PTPRN2: variants seen among roughly 807,000 people sequenced by gnomAD.
PTPRN2 encodes the protein protein tyrosine phosphatase receptor type N2, also known as receptor-type tyrosine-protein phosphatase N2.
PTPRN2 carries 74 observed loss-of-function variants against 118.8 expected under a neutral mutation model. That is an observed-to-expected ratio of 0.62 (90% confidence interval 0.52 to 0.76). The LOEUF (loss-of-function observed/expected upper bound fraction) is 0.76, where lower values mean the gene tolerates loss of function less well. Ranked by LOEUF, PTPRN2 falls within the 30% of genes least tolerant of loss-of-function variation. The pLI is 0.00. For synonymous variants in PTPRN2, 641 were observed against 608.0 expected (o/e 1.05, Z -0.80); for missense variants, 1,481 against 1,394.4 (o/e 1.06, Z -0.99).
At chr7:158,485,936 C>T (rs553704564) in intron 2 of PTPRN2, among the ~76,000 whole-genome samples, 48 of 152,260 alleles carry the variant, frequency 3.2e-4, no homozygotes, top group African/African-American at 1.2e-3. Context: ...CATTTTCCGA[C>T]GTTATTAACA....
intron 2 of PTPRN2, among the ~76,000 whole-genome samples, chr7:158,330,873 T>A (rs1330744976): frequency 2.1e-5 from 2 of 97,486 alleles, no homozygotes; most frequent in African/African-American, 3.8e-5. Context: ...CCCGCAGACG[T>A]CATTCACACC....
chr7:158,407,210 CCTGCGTCCTGCGTCCT>C (rs1813584921), intron 2 of PTPRN2, among the ~76,000 whole-genome samples: 11 of 28,700 alleles, frequency 3.8e-4, no homozygotes, highest in East Asian at 2.5e-3. Flanking sequence ...GGTCCTGGGT[CCTGCGTCCTGCGTCCT>C]GGGTCCTGGG....
intron 11 of PTPRN2, among the ~76,000 whole-genome samples, chr7:158,062,532 G>C (rs1810423671): frequency 6.6e-6 from 1 of 152,196 alleles, no homozygotes; most frequent in African/African-American, 2.4e-5. Context: ...GGCTGGCCAA[G>C]GCCTGAGCCG....
At chr7:157,719,529 G>C (rs891906036) in intron 12 of PTPRN2, among the ~76,000 whole-genome samples, 5 of 152,270 alleles carry the variant, frequency 3.3e-5, no homozygotes, top group African/African-American at 1.2e-4. Flanking sequence ...GGAACGCGGA[G>C]AACTTCGTGC....
chr7:158,326,388 G>C (rs992665600), intron 2 of PTPRN2, among the ~76,000 whole-genome samples: 6 of 152,234 alleles, frequency 3.9e-5, no homozygotes, highest in Non-Finnish European at 7.3e-5. Context: ...CAGTCGGCCA[G>C]TGTGAGGGGC....
intron 2 of PTPRN2, among the ~76,000 whole-genome samples, chr7:158,455,248 C>T (rs199889099): frequency 8.8e-5 from 13 of 147,746 alleles, no homozygotes; most frequent in Admixed American, 6.1e-4. Context: ...GAGAAGACAA[C>T]GGCACGGACG....
In PTPRN2 at chr7:158,176,361, C is replaced by T. The variant is rs117944975; in HGVS notation, c.550-9070G>A. 4.3e-3 allele frequency among the ~76,000 whole-genome samples: 649 copies of T among 152,254 alleles called. 15 individuals carry two copies. In the East Asian group the frequency reaches 0.06, roughly 14 times the overall value. ...ATGCCTTAATTTTCTCTAACCCTTT[C>T]AATGACTCGATGGTACAGACATGAT... On this transcript the variant is annotated intron_variant, in intron 5 of 22. Coordinates refer to ENST00000389418, the MANE Select transcript of PTPRN2 (RefSeq NM_002847.5).
intron 1 of PTPRN2, among the ~76,000 whole-genome samples, chr7:158,578,457 C>T (rs1184129928): frequency 6.7e-6 from 1 of 148,480 alleles, no homozygotes; most frequent in African/African-American, 2.5e-5. Context: ...AACACTTGAG[C>T]CCAGGAGTTC....
At chr7:158,149,048 C>T (rs1820567820) in intron 6 of PTPRN2, among the ~76,000 whole-genome samples, 3 of 133,974 alleles carry the variant, frequency 2.2e-5, no homozygotes, top group East Asian at 2.2e-4. Context: ...CTCTCACTGA[C>T]ACCCCATCTC....
At chr7:157,938,973 G>A (rs1295438697) in intron 11 of PTPRN2, among the ~76,000 whole-genome samples, 1 of 152,224 alleles carries the variant, frequency 6.6e-6, no homozygotes, top group Non-Finnish European at 1.5e-5. Flanking sequence ...CACGGGCTAC[G>A]AGCCCCTGCA....
In PTPRN2 at chr7:158,128,686, T is replaced by A. The variant is rs190778939; in HGVS notation, c.1556+4991A>T. 3.5e-3 allele frequency among the ~76,000 whole-genome samples: 528 copies of A among 151,966 alleles called. 5 individuals are homozygous for A. Among genetic ancestry groups the A allele is most frequent in the African/African-American group, 0.012 (500 of 41,464 alleles). On this transcript the variant is annotated intron_variant, in intron 9 of 22. Transcript: ENST00000389418. ...GGCACAGGATTGTCGGCTCTGAAGG[T>A]TCCCTAGCAAACCACACCGGCCTCC...
chr7:157,876,378 G>C (rs1795770045), intron 12 of PTPRN2, among the ~76,000 whole-genome samples: 1 of 152,202 alleles, frequency 6.6e-6, no homozygotes, highest in African/African-American at 2.4e-5. Context: ...CCCCAGGACA[G>C]AGTCTGTCAC....
chr7:158,066,370 C>T (rs906434262), intron 11 of PTPRN2, among the ~76,000 whole-genome samples: 1 of 152,192 alleles, frequency 6.6e-6, no homozygotes, highest in African/African-American at 2.4e-5. Flanking sequence ...GGGCCAGGGC[C>T]GACAGGCACA....
chr7:158,506,086 C>T (rs533425912), intron 1 of PTPRN2, among the ~76,000 whole-genome samples: 2 of 148,618 alleles, frequency 1.3e-5, no homozygotes, highest in South Asian at 4.4e-4. Flanking sequence ...TGCTCTGGTA[C>T]AGGGCACACA....
chr7:158,487,314 T>TA (rs1214533100), intron 2 of PTPRN2, among the ~76,000 whole-genome samples: 3 of 152,174 alleles, frequency 2.0e-5, no homozygotes, highest in African/African-American at 7.2e-5. Context: ...TGAGGCAAAT[T>TA]AAAAACTCTA....
Position 157,827,251 on chromosome 7 carries a change from C to T in PTPRN2, c.1788+71422G>A, listed in dbSNP as rs529969927. Among the ~76,000 whole-genome samples the T allele has an allele frequency of 5.3e-5, 8 of 152,244 alleles. No individual in the cohort carries two copies. In the East Asian group the frequency reaches 7.7e-4, roughly 15 times the overall value. On this transcript the variant is annotated intron_variant, in intron 12 of 22. Coordinates refer to ENST00000389418, the MANE Select transcript of PTPRN2 (RefSeq NM_002847.5). ...GGAGTTTCCATTCTCTAGAGCTTTT[C>T]GACAACACCCTGCATTTGGGTTTTC...
At chr7:158,061,729 C>A (rs188029366) in intron 11 of PTPRN2, among the ~76,000 whole-genome samples, 81 of 152,310 alleles carry the variant, frequency 5.3e-4, no homozygotes, top group African/African-American at 1.9e-3. Flanking sequence ...CAGGACCACA[C>A]CTGAAGGACC....
At chr7:158,362,424 T>G (rs1376657120) in intron 2 of PTPRN2, among the ~76,000 whole-genome samples, 3 of 152,340 alleles carry the variant, frequency 2.0e-5, no homozygotes, top group African/African-American at 7.2e-5. Flanking sequence ...TATTTGTAAT[T>G]AAAGATGGCC....
intron 8 of PTPRN2, among the ~76,000 whole-genome samples, chr7:158,136,187 A>G (rs999763206): frequency 1.4e-4 from 22 of 152,350 alleles, no homozygotes; most frequent in Middle Eastern, 3.4e-3. Context: ...CGGCCAAGGC[A>G]CTGCATCTTT....
Sources: gnomAD v4.1 joint callset for allele counts (sites outside exome capture counted in the v4.1 genomes callset) on GRCh38, gnomAD v4.1.1 for gene constraint, MANE v1.5 for transcripts, NCBI Gene and HGNC (gene_info 2026-07-23, HGNC 2026-07-21) for gene names.